The following ITGA7 variants were observed in gnomAD, a reference collection of about 807,000 sequenced individuals.
ITGA7 encodes integrin subunit alpha 7, also known as integrin alpha-7.
Under a neutral mutation model 131.6 loss-of-function variants are expected in ITGA7, and 84 were observed. That is an observed-to-expected ratio of 0.64 (90% CI 0.54 to 0.77). The LOEUF is 0.77. Among genes scored for constraint, ITGA7 ranks in the 30% least tolerant of loss-of-function variants. The pLI is 0.00. For synonymous variants in ITGA7, 548 were observed against 600.7 expected (o/e 0.91, Z 1.28); for missense variants, 1,399 against 1,482.9 (o/e 0.94, Z 0.93).
chr12:55,700,820 C>T (rs1873835095), intron 4 of ITGA7, 79 bp downstream of exon 4: 11 of 1,572,448 alleles, frequency 7.0e-6, no homozygotes, highest in Non-Finnish European at 8.7e-6. Flanking sequence ...TCATGCTTGG[C>T]CATGTGCCAT....
chr12:55,689,775 T>C (rs951373626), intron 21 of ITGA7, among the ~76,000 whole-genome samples: 1 of 152,210 alleles, frequency 6.6e-6, no homozygotes, highest in Admixed American at 6.5e-5. Context: ...AAAACAGAGA[T>C]ATAGATCAAT....
rs1869817212 is a variant in ITGA7, at chr12:55,685,225, T to C, written c.3247A>G (p.Ile1083Val). The C allele has an allele frequency of 6.2e-7, 1 of 1,614,192 alleles. No individual in the cohort carries two copies. Residue 1083 changes from isoleucine (I) to valine (V), a missense_variant, in exon 25 of 25, where the codon ATT (isoleucine) becomes GTT (valine). Coordinates refer to ENST00000257879, the MANE Select transcript of ITGA7 (RefSeq NM_002206.3). ...AACTGCTGTCGGTCTTCCCGAGGAA[T>C]CTTCACCGCATGGTACTGGGGCACG... The part of the protein sequence containing the change: ...ATVPQYHAVK[I>V]PREDRQQFKE...
Position 55,696,375 on chromosome 12 carries a change from T to C in ITGA7, c.1795A>G (p.Thr599Ala). ...GGAGCCTGTCGCCGGAGCCGAGGGG[T>C]CTGGAGACTGTAGGACAAGGTCACT... ...IVVTLSYSLQ[T>A]PRLRRQAPGQ... Residue 599 changes from threonine (T) to alanine (A), a missense_variant, in exon 13 of 25, where the codon ACC becomes GCC. Thr to Ala is a moderately conservative substitution (Grantham distance 58). Coordinates refer to ENST00000257879, the MANE Select transcript of ITGA7 (RefSeq NM_002206.3). 6.3e-7 allele frequency: 1 copy of C among 1,596,568 alleles called. No individual in the cohort carries two copies. The highest frequency in any genetic ancestry group is 8.5e-7 in the Non-Finnish European group (1 of 1,170,532).
chr12:55,687,954 C>T lies in ITGA7; in HGVS notation c.3183+17G>A, dbSNP rs190974181. On this transcript the variant is annotated intron_variant, in intron 24 of 24. Coordinates refer to ENST00000257879, the MANE Select transcript of ITGA7 (RefSeq NM_002206.3). ...ACCAGGAAGTCCACCCCCATCAGCC[C>T]CACCTCCAAGCCTCACCTTCCACAG... The T allele has an allele frequency of 6.2e-7, 1 of 1,614,022 alleles. No individual in the cohort carries two copies. Among genetic ancestry groups the T allele is most frequent in the East Asian group, 2.2e-5 (1 of 44,878 alleles).
chr12:55,708,193 TAGAA>T (rs1174988797), upstream of ITGA7, among the ~76,000 whole-genome samples: 1 of 151,362 alleles, frequency 6.6e-6, no homozygotes, highest in Non-Finnish European at 1.5e-5. Flanking sequence ...GAAGTACAGA[TAGAA>T]AGAGAGGGGC....
intron 24 of ITGA7, chr12:55,686,384 CT>C: frequency 3.3e-6 from 3 of 904,358 alleles, no homozygotes; most frequent in Non-Finnish European, 4.7e-6. Context: ...ACAGGATCCC[CT>C]ATCTCTGCTC....
At chr12:55,705,371 C>CAA (rs537771896) in intron 1 of ITGA7, among the ~76,000 whole-genome samples, 6 of 69,320 alleles carry the variant, frequency 8.7e-5, no homozygotes, top group East Asian at 7.8e-4. Flanking sequence ...GAGAGAAAAG[C>CAA]AAAAAAAAAA....
In ITGA7 at chr12:55,694,481, A is replaced by G; in HGVS notation, c.2319T>C (p.Ile773=). The G allele has an allele frequency of 6.2e-7, 1 of 1,614,020 alleles. No individual in the cohort carries two copies. Among genetic ancestry groups the G allele is most frequent in the Non-Finnish European group, 8.5e-7 (1 of 1,179,912 alleles). The part of the protein sequence containing the change: ...YLILSTSGIS[I]ETTELEVELL... The stretch of plus-strand genomic sequence containing the variant: ...GCTCTACCTCCAGTTCCGTGGTCTC[A>G]ATGCTGATCCCGGAGGTGCTAAGGA... The change falls in exon 17 of 25, where the codon ATT becomes ATC. Residue 773 remains isoleucine (I), a synonymous_variant. Coordinates refer to ENST00000257879, the MANE Select transcript of ITGA7 (RefSeq NM_002206.3). The surrounding 1 kb of genome is among the most constrained non-coding windows in gnomAD (Gnocchi z 5.3).
chr12:55,702,788 G>C, intron 3 of ITGA7, 84 bp downstream of exon 3: 1 of 1,169,794 alleles, frequency 8.5e-7, no homozygotes, highest in Non-Finnish European at 1.3e-6. Flanking sequence ...TGTTCTCTAA[G>C]CACACCTATG....
rs776050440 is a variant in ITGA7, at chr12:55,698,419, C to T, written c.1156G>A (p.Ala386Thr). 1.4e-5 allele frequency: 23 copies of T among 1,613,560 alleles called. No individual in the cohort carries two copies. The highest frequency in any genetic ancestry group is 2.2e-5 in the East Asian group (1 of 44,868). Reference protein sequence around the residue: ...SPDSMFGISLAVLGDLNQDGF... With the variant: ...SPDSMFGISLTVLGDLNQDGF... ...TCTTGGTTGAGGTCCCCCAGGACAG[C>T]CAGGCTGATCCCGAACATGGAGTCA... Residue 386 changes from alanine (A) to threonine (T), a missense_variant, in exon 7 of 25, where the codon GCT becomes ACT. By Grantham distance (58) the Ala-to-Thr change is moderately conservative. Coordinates refer to ENST00000257879, the MANE Select transcript of ITGA7 (RefSeq NM_002206.3).
chr12:55,713,140 G>A (rs892597294), upstream of ITGA7, among the ~76,000 whole-genome samples: 4 of 151,944 alleles, frequency 2.6e-5, no homozygotes, highest in African/African-American at 9.7e-5. Flanking sequence ...AGCTCTGGAG[G>A]TGAGGCACCA....
At chr12:55,703,614 T>C (rs532319188) in intron 1 of ITGA7, among the ~76,000 whole-genome samples, 1 of 152,154 alleles carries the variant, frequency 6.6e-6, no homozygotes, top group African/African-American at 2.4e-5. Flanking sequence ...CCAAGAATGC[T>C]GGGAGCAAAA....
At position 55,702,947 on chromosome 12, in the gene ITGA7, A is replaced by G; in HGVS notation, c.339T>C (p.Asp113=). The G allele has an allele frequency of 6.2e-7, 1 of 1,613,210 alleles. No homozygotes were observed. The highest frequency in any genetic ancestry group is 1.1e-5 in the South Asian group (1 of 91,086). Residue 113 remains aspartate (D), a synonymous_variant, in exon 3 of 25, where the codon GAT becomes GAC. Coordinates refer to ENST00000257879, the MANE Select transcript of ITGA7 (RefSeq NM_002206.3). ...GGTTCTCCTTGCTTTCCTTTTGCAT[A>G]TCAGCTAGAGGCAGGACACTGGGAA... ...CYRVDIDQGA[D]MQKESKENQW... is the part of the protein sequence containing the mutation.
upstream of ITGA7, among the ~76,000 whole-genome samples, chr12:55,708,207 C>CT (rs139802087): frequency 0.014 from 2,066 of 152,220 alleles, 16 homozygotes; most frequent in Non-Finnish European, 0.022. Context: ...AAGAGAGGGG[C>CT]TGAAACAGAG....
upstream of ITGA7, chr12:55,716,271 A>G (rs907884029): frequency 6.5e-7 from 1 of 1,544,598 alleles, no homozygotes; most frequent in African/African-American, 1.4e-5. Context: ...GATCTCGAGT[A>G]ACTAACCATA....
At chr12:55,712,780 C>T (rs1011221856), upstream of ITGA7, among the ~76,000 whole-genome samples, 3 of 152,142 alleles carry the variant, frequency 2.0e-5, no homozygotes, top group African/African-American at 7.2e-5. Context: ...TGGAGGATAA[C>T]CCTAGAGAGA....
chr12:55,693,323 G>A lies in ITGA7; in HGVS notation c.2536-6C>T, dbSNP rs779656440. On this transcript the variant is annotated splice_polypyrimidine_tract_variant and splice_region_variant and intron_variant, in intron 19 of 24. Transcript: ENST00000257879. Reference sequence around the variant, plus strand: ...GACTGGCCTTGGTTGGAAACCTGTGGGAAAAAGAGAGTATGAGGGGAGAGA... The same window carrying A: ...GACTGGCCTTGGTTGGAAACCTGTGAGAAAAAGAGAGTATGAGGGGAGAGA... The A allele has an allele frequency of 1.2e-6, 2 of 1,613,060 alleles. No individual in the cohort carries two copies.
chr12:55,693,176 C>T lies in ITGA7; in HGVS notation c.2677G>A (p.Gly893Arg). ...LEGGQGPGQKGLCSPRPNILH... is the reference protein window; with the variant it reads ...LEGGQGPGQKRLCSPRPNILH... ...ATGTTGGGCCTGGGAGAGCAAAGCC[C>T]TTTCTGCCCAGGCCCCTGCCCGCCC... The change falls in exon 20 of 25, where the codon GGG (glycine) becomes AGG (arginine). Residue 893 changes from glycine to arginine, a missense_variant. Coordinates refer to ENST00000257879, the MANE Select transcript of ITGA7 (RefSeq NM_002206.3). 1 of 1,614,086 alleles carries T rather than the reference C, an allele frequency of 6.2e-7. No individual in the cohort carries two copies. Among genetic ancestry groups the T allele is most frequent in the South Asian group, 1.1e-5 (1 of 91,054 alleles).
At chr12:55,715,840 C>G (rs1039408934), upstream of ITGA7, 1 of 583,616 alleles carries the variant, frequency 1.7e-6, no homozygotes, top group Admixed American at 3.8e-5. Flanking sequence ...CACCAGCCCT[C>G]GAAGCCTGAG....
Sources: allele counts gnomAD v4.1 joint callset (sites outside exome capture counted in the v4.1 genomes callset), GRCh38; gene constraint gnomAD v4.1.1; non-coding constraint Gnocchi (gnomAD v3.1); transcripts MANE v1.5; gene names NCBI Gene and HGNC (gene_info 2026-07-23, HGNC 2026-07-21).